The following TASP1 variants were observed in gnomAD, a reference collection of about 807,000 sequenced individuals.
The protein encoded by TASP1 is threonine aspartase 1.
TASP1 carries 16 observed loss-of-function variants against 56.6 expected under a neutral mutation model. The observed-to-expected ratio is 0.28, with a 90% confidence interval of 0.19 to 0.43. The LOEUF (loss-of-function observed/expected upper bound fraction) is 0.43. Ranked by LOEUF, TASP1 falls within the 20% of genes least tolerant of loss-of-function variation. The pLI is 1.00. For missense variants in TASP1, 393 were observed against 511.6 expected (o/e 0.77, Z 2.24); for synonymous variants, 179 against 184.2 (o/e 0.97, Z 0.23).
chr20:13,419,160 T>C (rs1020502707), intron 12 of TASP1, among the ~76,000 whole-genome samples: 2 of 152,228 alleles, frequency 1.3e-5, no homozygotes, highest in Admixed American at 1.3e-4. Context: ...AGAATGGCCT[T>C]GTTCTTAAGA....
At position 13,614,839 on chromosome 20, in the gene TASP1, T is replaced by C. The variant is rs1346375828; in HGVS notation, c.282+8607A>G. ...TTATGATGTCCAGGAAGAGGTTAGT[T>C]AGCACACACAGTACCTGAAATTGTC... On this transcript the variant is annotated intron_variant, in intron 4 of 13. Coordinates refer to ENST00000337743, the MANE Select transcript of TASP1 (RefSeq NM_017714.3). 7 of 470,628 alleles carry C rather than the reference T, an allele frequency of 1.5e-5. No homozygotes were observed. In the Admixed American group the frequency reaches 1.6e-4, roughly 11 times the overall value. 29.2% of individuals were successfully genotyped at this position (470,628 alleles called of 1,614,324 possible).
intron 5 of TASP1, among the ~76,000 whole-genome samples, chr20:13,582,919 T>C (rs2047176027): frequency 6.6e-6 from 1 of 152,156 alleles, no homozygotes. Flanking sequence ...AAAGAAACAC[T>C]GTAGGAGGAA....
intron 6 of TASP1, among the ~76,000 whole-genome samples, chr20:13,577,752 A>C (rs2046975396): frequency 6.6e-6 from 1 of 152,206 alleles, no homozygotes; most frequent in South Asian, 2.1e-4. Context: ...TGTGAGAAAT[A>C]CTTTTCTACT....
At chr20:13,623,217 G>C (rs187828160) in intron 4 of TASP1, among the ~76,000 whole-genome samples, 1 of 150,726 alleles carries the variant, frequency 6.6e-6, no homozygotes, top group East Asian at 1.9e-4. Flanking sequence ...TTGTATTCAT[G>C]AATCTCACAA....
chr20:13,592,939 T>C (rs953277253), intron 4 of TASP1, among the ~76,000 whole-genome samples: 4 of 151,990 alleles, frequency 2.6e-5, no homozygotes, highest in African/African-American at 9.7e-5. Flanking sequence ...CAGCAATATA[T>C]AAAAAGAACA....
intron 1 of TASP1, among the ~76,000 whole-genome samples, chr20:13,635,195 G>A (rs946137686): frequency 6.6e-6 from 1 of 151,406 alleles, no homozygotes; most frequent in African/African-American, 2.4e-5. Context: ...CGAAAAAAAA[G>A]AAAAAAAAGT....
At chr20:13,576,550 A>T (rs1051596466) in intron 6 of TASP1, among the ~76,000 whole-genome samples, 1 of 152,122 alleles carries the variant, frequency 6.6e-6, no homozygotes, top group Non-Finnish European at 1.5e-5. Flanking sequence ...TTACCACAGC[A>T]TCAAAAAAAA....
chr20:13,362,835 A>G, the TASP1 span, among the ~76,000 whole-genome samples: 1 of 133,386 alleles, frequency 7.5e-6, no homozygotes, highest in Non-Finnish European at 1.6e-5. Context: ...ATATATATAT[A>G]TATTTGTCTC....
Position 13,634,984 on chromosome 20 carries a change from C to T in TASP1, c.-75+3910G>A, listed in dbSNP as rs117170997. On this transcript the variant is annotated intron_variant, in intron 1 of 13. Transcript: ENST00000337743. ...CAGAGGTTGCAGTGAGCAGAGACCG[C>T]GCCATCGCACTCCAGCCTGGGCAAC... is the stretch of plus-strand genomic sequence containing the variant. Among the ~76,000 whole-genome samples, 584 of 152,182 alleles carry T rather than the reference C, an allele frequency of 3.8e-3. 3 individuals carry two copies. Among genetic ancestry groups the T allele is most frequent in the East Asian group, 0.012 (61 of 5,174 alleles).
intron 4 of TASP1, among the ~76,000 whole-genome samples, chr20:13,605,556 T>C (rs1450491592): frequency 6.6e-6 from 1 of 152,010 alleles, no homozygotes; most frequent in African/African-American, 2.4e-5. Flanking sequence ...GGTGCATGCC[T>C]GTAGTCCCAG....
chr20:13,491,090 C>T (rs2146566719), intron 10 of TASP1, among the ~76,000 whole-genome samples: 1 of 152,204 alleles, frequency 6.6e-6, no homozygotes, highest in East Asian at 1.9e-4. Context: ...TTATCCTTTG[C>T]CTTGTAATTC....
At chr20:13,358,554 A>G in the TASP1 span, among the ~76,000 whole-genome samples, 1 of 151,860 alleles carries the variant, frequency 6.6e-6, no homozygotes, top group African/African-American at 2.4e-5. Context: ...CCACTCTTCA[A>G]TCTCTCCCTT....
chr20:13,296,878 C>T, the TASP1 span, among the ~76,000 whole-genome samples: 10 of 152,092 alleles, frequency 6.6e-5, no homozygotes, highest in Non-Finnish European at 1.2e-4. Flanking sequence ...ATTAGTCGGG[C>T]AGAGTGGCAG....
chr20:13,232,735 T>G, the TASP1 span, among the ~76,000 whole-genome samples: 2 of 152,228 alleles, frequency 1.3e-5, no homozygotes. Context: ...ATAAAGTGTT[T>G]AGGATCTACA....
At chr20:13,151,685 A>G in the TASP1 span, among the ~76,000 whole-genome samples, 1 of 152,242 alleles carries the variant, frequency 6.6e-6, no homozygotes, top group Non-Finnish European at 1.5e-5. Flanking sequence ...CACAGAAGTG[A>G]AGTTCATTTA....
At chr20:13,365,506 G>A in the TASP1 span, among the ~76,000 whole-genome samples, 4 of 152,234 alleles carry the variant, frequency 2.6e-5, no homozygotes, top group Non-Finnish European at 5.9e-5. Flanking sequence ...AGGCCTGTCT[G>A]AGGTGGTGAT....
intron 1 of TASP1, among the ~76,000 whole-genome samples, chr20:13,634,165 C>A (rs1055331826): frequency 6.6e-6 from 1 of 152,094 alleles, no homozygotes; most frequent in Admixed American, 6.5e-5. Flanking sequence ...GATGAATAAA[C>A]AAAATGTGGT....
chr20:13,158,264 A>C, the TASP1 span, among the ~76,000 whole-genome samples: 1 of 152,234 alleles, frequency 6.6e-6, no homozygotes, highest in African/African-American at 2.4e-5. Context: ...GAGTACAAAC[A>C]CAGAGGCTCA....
chr20:13,200,246 T>C, the TASP1 span, among the ~76,000 whole-genome samples: 1 of 152,218 alleles, frequency 6.6e-6, no homozygotes. Flanking sequence ...AGTTGTACCA[T>C]CACCTGCATC....
Sources: gnomAD v4.1 joint callset for allele counts (sites outside exome capture counted in the v4.1 genomes callset) on GRCh38, gnomAD v4.1.1 for gene constraint, MANE v1.5 for transcripts, NCBI Gene and HGNC (gene_info 2026-07-23, HGNC 2026-07-21) for gene names.